Variants in CSMD1 observed in about 807,000 individuals in gnomAD.
CSMD1 encodes the protein CUB and sushi domain-containing protein 1.
A neutral mutation model predicts 417.5 loss-of-function variants in CSMD1; 213 were observed. That is an observed-to-expected ratio of 0.51 (90% CI 0.46 to 0.57). CSMD1 has a LOEUF of 0.57. Among genes scored for constraint, CSMD1 ranks in the 20% least tolerant of loss-of-function variants. CSMD1 has a pLI of 0.00. For missense variants in CSMD1, 6,923 were observed against 4,529.7 expected, an observed-to-expected ratio of 1.53 and a Z score of -15.17; for synonymous variants, 2,862 against 1,736.8, an observed-to-expected ratio of 1.65 and a Z score of -16.11.
intron 7 of CSMD1, among the ~76,000 whole-genome samples, chr8:3,661,830 A>G (rs1449587404): frequency 6.6e-6 from 1 of 152,184 alleles, no homozygotes; most frequent in Non-Finnish European, 1.5e-5. Flanking sequence ...TGAAGTTTTT[A>G]TCACACCAAA....
At chr8:4,458,379 C>A (rs1189465878) in intron 2 of CSMD1, among the ~76,000 whole-genome samples, 6 of 151,798 alleles carry the variant, frequency 4.0e-5, no homozygotes, top group African/African-American at 1.5e-4. Context: ...ATTTATAAAC[C>A]TAAAGTTATT....
chr8:4,622,836 G>T (rs1462423252), intron 2 of CSMD1, among the ~76,000 whole-genome samples: 1 of 152,104 alleles, frequency 6.6e-6, no homozygotes, highest in Non-Finnish European at 1.5e-5. Context: ...TCTCTTTGCA[G>T]ATGACATGGT....
At chr8:4,939,601 A>G (rs1807846645) in intron 1 of CSMD1, among the ~76,000 whole-genome samples, 1 of 152,172 alleles carries the variant, frequency 6.6e-6, no homozygotes, top group African/African-American at 2.4e-5. Flanking sequence ...AGTTGAACTC[A>G]ATGAAGCCGA....
chr8:4,990,624 G>A (rs13274516), intron 1 of CSMD1, among the ~76,000 whole-genome samples: 35,112 of 152,106 alleles, frequency 0.23, 5,145 homozygotes, highest in Non-Finnish European at 0.33. Context: ...CTCCCAAAGT[G>A]CTGAGATTAC....
chr8:3,067,057 CTGTGCCAGGTGCTAAGCCT>C (rs1188445007), intron 49 of CSMD1, among the ~76,000 whole-genome samples: 5 of 149,300 alleles, frequency 3.3e-5, no homozygotes, highest in African/African-American at 1.2e-4. Flanking sequence ...TTCGCTCAGC[CTGTGCCAGGTGCTAAGCCT>C]GGGGCCTGGC....
rs192780611 is a variant in CSMD1, at chr8:4,529,305, T to C, written c.302+108037A>G. Among the ~76,000 whole-genome samples the C allele has an allele frequency of 1.1e-4, 16 of 152,250 alleles. No homozygotes were observed. The East Asian group carries it at 2.1e-3, about 20-fold the overall frequency. On this transcript the variant is annotated intron_variant, in intron 2 of 69. Transcript: ENST00000635120. ...ACATAGTGCACAACATTACAACAGA[T>C]TGTATGCAAAAAAAATTACAAGAAT...
In CSMD1 at chr8:2,978,741, A is replaced by C; in HGVS notation, c.8437T>G (p.Phe2813Val). 1 of 1,613,620 alleles carries C rather than the reference A, an allele frequency of 6.2e-7. No individual in the cohort carries two copies. The highest frequency in any genetic ancestry group is 1.1e-5 in the South Asian group (1 of 90,906). The change falls in exon 55 of 70, where the codon TTC becomes GTC. Residue 2813 changes from phenylalanine to valine, a missense_variant. By Grantham distance (50) the Phe-to-Val change is conservative. Transcript: ENST00000635120. ...ENAIRHGQQN[F>V]PESFEYGMSI... is the part of the protein sequence containing the mutation. ...ATTCCATACTCAAAACTCTCAGGGA[A>C]GTTCTGTTGCCCGTGACGAATGGCA...
chr8:3,335,950 G>A (rs114533480), intron 23 of CSMD1, among the ~76,000 whole-genome samples: 1,708 of 152,240 alleles, frequency 0.011, 27 homozygotes, highest in African/African-American at 0.039. Context: ...CCTACCCAGC[G>A]CTTGTAGATT....
Position 2,962,466 on chromosome 8 carries a change from C to G in CSMD1, c.9628G>C (p.Asp3210His), listed in dbSNP as rs769216639. The change falls in exon 61 of 70, where the codon GAT becomes CAT. Residue 3210 changes from aspartate (D) to histidine (H), a missense_variant and splice_region_variant. Asp to His is a moderately conservative substitution (Grantham distance 81). Transcript: ENST00000635120. ...CCCAGAGCTGTATGATAATTATTACCAATGCAGGTGGGTTGTATGCCGCTC... is the reference window on the plus strand; with the variant it reads ...CCCAGAGCTGTATGATAATTATTACGAATGCAGGTGGGTTGTATGCCGCTC... ...TWSGIQPTCI[D>H]PAHNTCPDPG... 6.2e-7 allele frequency: 1 copy of G among 1,611,906 alleles called. No homozygotes were observed. The highest frequency in any genetic ancestry group is 8.5e-7 in the Non-Finnish European group (1 of 1,178,442).
At chr8:3,127,932 A>AAGGG (rs1817593929) in intron 41 of CSMD1, 3 of 128,440 alleles carry the variant, frequency 2.3e-5, no homozygotes, top group African/African-American at 8.9e-5. Flanking sequence ...GGAAGGAAGG[A>AAGGG]AGGGAAGGAA....
At chr8:3,087,628 A>G (rs1384385562) in intron 48 of CSMD1, among the ~76,000 whole-genome samples, 1 of 152,234 alleles carries the variant, frequency 6.6e-6, no homozygotes, top group East Asian at 1.9e-4. Flanking sequence ...ACTAACACTA[A>G]TGATAGCTAA....
intron 11 of CSMD1, among the ~76,000 whole-genome samples, chr8:3,472,326 G>T (rs35473038): frequency 2.6e-5 from 4 of 151,842 alleles, no homozygotes; most frequent in African/African-American, 7.2e-5. Context: ...TTTAACTATT[G>T]TAAGTGTGTA....
At position 4,761,977 on chromosome 8, in the gene CSMD1, G is replaced by A. The variant is rs376966416; in HGVS notation, c.86-124419C>T. Among the ~76,000 whole-genome samples the A allele has an allele frequency of 5.5e-5, 8 of 145,440 alleles. No individual in the cohort carries two copies. In the East Asian group the frequency reaches 1.6e-3, roughly 29 times the overall value. On this transcript the variant is annotated intron_variant, in intron 1 of 69. Transcript: ENST00000635120. ...TATCTATCTATCTAGATTCCCAGTG[G>A]AAAAGCAACCAAAATTAACATGGAA...
chr8:4,087,850 T>G (rs1250264913), intron 3 of CSMD1, among the ~76,000 whole-genome samples: 1 of 152,152 alleles, frequency 6.6e-6, no homozygotes, highest in East Asian at 1.9e-4. Flanking sequence ...AATGCCTACC[T>G]TACGTGACCT....
intron 41 of CSMD1, among the ~76,000 whole-genome samples, chr8:3,124,149 G>T (rs1315461337): frequency 6.6e-6 from 1 of 152,002 alleles, no homozygotes; most frequent in Non-Finnish European, 1.5e-5. Flanking sequence ...CGTGTGGGGA[G>T]GGGGGAGCAG....
chr8:4,186,219 G>A (rs1423244830), intron 3 of CSMD1, among the ~76,000 whole-genome samples: 4 of 152,086 alleles, frequency 2.6e-5, no homozygotes, highest in South Asian at 4.2e-4. Context: ...GGAAGCTCAG[G>A]ACGGCCAAAC....
intron 10 of CSMD1, among the ~76,000 whole-genome samples, chr8:3,540,263 A>G (rs1166082107): frequency 6.6e-6 from 1 of 152,200 alleles, no homozygotes; most frequent in African/African-American, 2.4e-5. Flanking sequence ...TTACTTGCAA[A>G]ACAACCTCCT....
chr8:3,448,406 G>T (rs1284978043), intron 12 of CSMD1, among the ~76,000 whole-genome samples: 2 of 143,406 alleles, frequency 1.4e-5, no homozygotes. Flanking sequence ...AGGGAAGGAA[G>T]GAAGGAAGGA....
At chr8:3,714,057 T>TAGAC (rs1245215946) in intron 6 of CSMD1, among the ~76,000 whole-genome samples, 4 of 139,656 alleles carry the variant, frequency 2.9e-5, no homozygotes, top group Non-Finnish European at 4.7e-5. Flanking sequence ...GATAGATAGA[T>TAGAC]AGATGTCCAC....
Sources: gnomAD v4.1 joint callset for allele counts (sites outside exome capture counted in the v4.1 genomes callset) on GRCh38, gnomAD v4.1.1 for gene constraint, MANE v1.5 for transcripts, NCBI Gene and HGNC (gene_info 2026-07-23, HGNC 2026-07-21) for gene names.